Variants in TRAPPC9 observed in about 807,000 individuals in gnomAD.
TRAPPC9 encodes the protein trafficking protein particle complex subunit 9, also known as IKK2 binding protein.
In TRAPPC9, 83 loss-of-function variants were observed where a neutral mutation model predicts 124.0. The observed-to-expected ratio is 0.67, with a 90% CI of 0.56 to 0.80. TRAPPC9 has a LOEUF of 0.80. Ranked by LOEUF, TRAPPC9 falls within the 30% of genes least tolerant of loss-of-function variation. TRAPPC9 has a pLI of 0.00. For synonymous variants in TRAPPC9, 638 were observed against 617.5 expected (o/e 1.03, Z -0.49); for missense variants, 1,302 against 1,508.3 (o/e 0.86, Z 2.27).
At chr8:140,331,299 C>T (rs1015883706) in intron 9 of TRAPPC9, among the ~76,000 whole-genome samples, 2 of 151,896 alleles carry the variant, frequency 1.3e-5, no homozygotes, top group Non-Finnish European at 2.9e-5. Flanking sequence ...CCTCTATGTG[C>T]CACTATATAC....
intron 2 of TRAPPC9, among the ~76,000 whole-genome samples, chr8:140,446,339 C>T (rs1377265768): frequency 1.4e-5 from 2 of 143,900 alleles, no homozygotes; most frequent in South Asian, 4.4e-4. Context: ...CTATGTCTTA[C>T]CTACATGAGG....
At chr8:139,913,285 GCTGGGTGTT>G (rs1285967110) in intron 19 of TRAPPC9, among the ~76,000 whole-genome samples, 8 of 152,336 alleles carry the variant, frequency 5.3e-5, no homozygotes, top group African/African-American at 1.9e-4. Context: ...CAAGCCCGGC[GCTGGGTGTT>G]CTGTGTGTAC....
chr8:140,155,493 G>C (rs2061613312), intron 17 of TRAPPC9, among the ~76,000 whole-genome samples: 2 of 152,214 alleles, frequency 1.3e-5, no homozygotes, highest in South Asian at 4.1e-4. Flanking sequence ...ATGAAAGCCG[G>C]GAACAAGGGA....
At chr8:140,057,560 T>C (rs936127167) in intron 17 of TRAPPC9, among the ~76,000 whole-genome samples, 1 of 152,168 alleles carries the variant, frequency 6.6e-6, no homozygotes, top group African/African-American at 2.4e-5. Flanking sequence ...CTTGAGGACA[T>C]TATGCTAAAG....
chr8:139,929,786 C>T (rs764228218), intron 19 of TRAPPC9, among the ~76,000 whole-genome samples: 2 of 152,244 alleles, frequency 1.3e-5, no homozygotes, highest in African/African-American at 4.8e-5. Context: ...CAAGCCTGGG[C>T]AGCGCTGGCC....
chr8:140,187,507 C>T (rs2062379121), intron 17 of TRAPPC9, among the ~76,000 whole-genome samples: 1 of 152,156 alleles, frequency 6.6e-6, no homozygotes, highest in African/African-American at 2.4e-5. Context: ...TCAACTGTTG[C>T]ATGTCATTGA....
At chr8:140,205,151 A>G (rs2062891667) in intron 17 of TRAPPC9, among the ~76,000 whole-genome samples, 2 of 152,258 alleles carry the variant, frequency 1.3e-5, no homozygotes, top group Admixed American at 6.5e-5. Flanking sequence ...AATGATTCTA[A>G]TGTATAACTT....
intron 13 of TRAPPC9, 43 bp downstream of exon 13, chr8:140,287,565 A>G: frequency 1.2e-6 from 2 of 1,613,724 alleles, no homozygotes; most frequent in Non-Finnish European, 1.7e-6. Flanking sequence ...GCAAGGGTTC[A>G]GCAGACCCTC....
At chr8:140,454,932 T>C (rs2132731156) in intron 1 of TRAPPC9, among the ~76,000 whole-genome samples, 1 of 143,964 alleles carries the variant, frequency 6.9e-6, no homozygotes, top group Middle Eastern at 3.4e-3. Flanking sequence ...AAAGTAAGAC[T>C]CTTTAAAAAA....
chr8:140,271,349 A>C (rs2064873289), intron 15 of TRAPPC9, among the ~76,000 whole-genome samples: 1 of 152,240 alleles, frequency 6.6e-6, no homozygotes, highest in Admixed American at 6.5e-5. Flanking sequence ...TTTTTAAAAG[A>C]AAAAATGATT....
rs775277042 is a variant in TRAPPC9 at position 140,300,581 on chromosome 8, G to A, written c.1656C>T (p.Leu552=). ...GCAAGCTTTTCATTTTGTGTGGCCGGAGGCTAGCAGGAAGGTTCAATAGTT... is the reference window on the plus strand; with the variant it reads ...GCAAGCTTTTCATTTTGTGTGGCCGAAGGCTAGCAGGAAGGTTCAATAGTT... ...HVKLLNLPAS[L]RPHKMKSLLG... The change falls in exon 11 of 23, where the codon CTC becomes CTT. Residue 552 remains leucine (L), a synonymous_variant. Transcript: ENST00000438773. The A allele has an allele frequency of 6.2e-7, 1 of 1,614,254 alleles. No homozygotes were observed. Among genetic ancestry groups the A allele is most frequent in the East Asian group, 2.2e-5 (1 of 44,886 alleles).
chr8:140,458,093 A>G (rs1301169156), upstream of TRAPPC9, among the ~76,000 whole-genome samples: 1 of 55,558 alleles, frequency 1.8e-5, no homozygotes, highest in Admixed American at 2.3e-4. Flanking sequence ...AGGGTGGAGG[A>G]GGGAGGAGGG....
chr8:140,302,035 C>T lies in TRAPPC9; in HGVS notation c.1623-1421G>A, dbSNP rs1444390323. ...TTTTTCTGCCACAGTGCACCCTAAC[C>T]TATACTGCATAATAACAACTGCCTT... On this transcript the variant is annotated intron_variant, in intron 10 of 22. Transcript: ENST00000438773. Among the ~76,000 whole-genome samples the T allele has an allele frequency of 2.6e-5, 4 of 152,360 alleles. No individual in the cohort carries two copies. The East Asian group carries it at 5.8e-4, about 22-fold the overall frequency.
At chr8:140,222,598 T>C (rs1417443381) in intron 16 of TRAPPC9, among the ~76,000 whole-genome samples, 3 of 152,184 alleles carry the variant, frequency 2.0e-5, no homozygotes, top group Non-Finnish European at 2.9e-5. Context: ...AGAGGAAATG[T>C]CAAAGTCTGC....
intron 19 of TRAPPC9, among the ~76,000 whole-genome samples, chr8:139,913,659 C>T (rs1223645441): frequency 6.6e-6 from 1 of 152,188 alleles, no homozygotes; most frequent in Non-Finnish European, 1.5e-5. Context: ...CTCTGCAGCC[C>T]TGGGATGGCC....
Position 139,972,213 on chromosome 8 carries a change from G to A in TRAPPC9, c.2810+16513C>T, listed in dbSNP as rs140753907. 6.7e-3 allele frequency among the ~76,000 whole-genome samples: 1,014 copies of A among 152,178 alleles called. 12 individuals carry two copies. Among genetic ancestry groups the A allele is most frequent in the African/African-American group, 0.021 (867 of 41,494 alleles). ...CCCTCATGCCACCACCAAAGCTTCAGGGAGAATTGAGCAAAACGCATTTAA... is the reference window on the plus strand; with the variant it reads ...CCCTCATGCCACCACCAAAGCTTCAAGGAGAATTGAGCAAAACGCATTTAA... On this transcript the variant is annotated intron_variant, in intron 19 of 22. Transcript: ENST00000438773.
intron 19 of TRAPPC9, among the ~76,000 whole-genome samples, chr8:139,986,175 G>A (rs1389122574): frequency 1.3e-5 from 2 of 152,176 alleles, no homozygotes; most frequent in African/African-American, 2.4e-5. Context: ...CCCAGGAGGT[G>A]GAGGTTGCAG....
At chr8:139,980,580 C>T (rs1172400227) in intron 19 of TRAPPC9, among the ~76,000 whole-genome samples, 1 of 152,230 alleles carries the variant, frequency 6.6e-6, no homozygotes, top group Non-Finnish European at 1.5e-5. Context: ...TGGCCACTGG[C>T]CATGCATCGG....
At chr8:140,176,832 T>C (rs1587861101) in intron 17 of TRAPPC9, among the ~76,000 whole-genome samples, 1 of 152,246 alleles carries the variant, frequency 6.6e-6, no homozygotes, top group East Asian at 1.9e-4. Context: ...ATAATCACTC[T>C]TTTTAGTCAT....
Sources: gnomAD v4.1 joint callset for allele counts (sites outside exome capture counted in the v4.1 genomes callset) on GRCh38, gnomAD v4.1.1 for gene constraint, MANE v1.5 for transcripts, NCBI Gene and HGNC (gene_info 2026-07-23, HGNC 2026-07-21) for gene names.